NDUFA13: variants seen among roughly 807,000 people sequenced by gnomAD.
NDUFA13 encodes the protein NADH:ubiquinone oxidoreductase subunit A13.
A neutral mutation model predicts 17.0 loss-of-function variants in NDUFA13; 16 were observed. The observed-to-expected ratio is 0.94, with a 90% CI of 0.64 to 1.43. The LOEUF is 1.43. Ranked by LOEUF, NDUFA13 falls within the 40% of genes most tolerant of loss-of-function variation. The pLI is 0.00. For missense variants in NDUFA13, 228 were observed against 206.7 expected, an observed-to-expected ratio of 1.10 and a Z score of -0.63; for synonymous variants, 87 against 78.4, an observed-to-expected ratio of 1.11 and a Z score of -0.58.
At chr19:19,527,680 C>G (rs1280567011) in intron 3 of NDUFA13, 21 bp from the exon 4 acceptor site, 1 of 1,548,568 alleles carries the variant, frequency 6.5e-7, no homozygotes, top group Non-Finnish European at 8.7e-7. Flanking sequence ...CCCACCCCCA[C>G]CATCGGCCCC....
intron 1 of NDUFA13, among the ~76,000 whole-genome samples, chr19:19,522,672 G>C (rs1351562413): frequency 6.6e-6 from 1 of 151,910 alleles, no homozygotes; most frequent in Non-Finnish European, 1.5e-5. Flanking sequence ...TAGAGACAGG[G>C]TTTCACCGTG....
chr19:19,527,834 G>A (rs911038743), intron 4 of NDUFA13, 64 bp downstream of exon 4: 1 of 1,514,322 alleles, frequency 6.6e-7, no homozygotes, highest in African/African-American at 1.4e-5. Flanking sequence ...GGGTTGGGGA[G>A]CTCCCACAGC....
chr19:19,516,641 G>A (rs547775316), intron 1 of NDUFA13, among the ~76,000 whole-genome samples: 72 of 152,354 alleles, frequency 4.7e-4, no homozygotes, highest in African/African-American at 1.7e-3. Flanking sequence ...TGGGGAAACT[G>A]AGGCCCAAAG....
In NDUFA13 at chr19:19,527,710, G is replaced by A; in HGVS notation, c.255G>A (p.Gln85=). ...GGCCCCATCCCCACAGGACCTTGCAGATGCTTCGGGAGAACCTGGAGGAGG... is the reference window on the plus strand; with the variant it reads ...GGCCCCATCCCCACAGGACCTTGCAAATGCTTCGGGAGAACCTGGAGGAGG... The part of the protein sequence containing the change: ...LQAETDRRTL[Q]MLRENLEEEA... The change falls in exon 4 of 5, where the codon CAG becomes CAA. Residue 85 remains glutamine, a synonymous_variant. Coordinates refer to ENST00000507754, the MANE Select transcript of NDUFA13 (RefSeq NM_015965.7). 6.4e-7 allele frequency: 1 copy of A among 1,552,266 alleles called. No individual in the cohort carries two copies. Among genetic ancestry groups the A allele is most frequent in the Non-Finnish European group, 8.7e-7 (1 of 1,147,236 alleles).
intron 2 of NDUFA13, 40 bp downstream of exon 2, chr19:19,526,300 G>A (rs780436000): frequency 4.7e-5 from 75 of 1,607,898 alleles, no homozygotes; most frequent in Non-Finnish European, 5.4e-5. Context: ...GTGCCCCCCC[G>A]GCGAGTTGTC....
intron 1 of NDUFA13, among the ~76,000 whole-genome samples, chr19:19,516,750 G>C (rs1427031476): frequency 6.6e-6 from 1 of 152,154 alleles, no homozygotes; most frequent in African/African-American, 2.4e-5. Flanking sequence ...GGCAGCCCCC[G>C]CCTGCATGGT....
rs746232914 is a variant in NDUFA13, at chr19:19,526,186, C to T, written c.99C>T (p.Tyr33=). ...GAGCAGCGCCTCTCTTCACAGGCTACAGCATGCTGGCCATAGGGATTGGAA... is the reference window on the plus strand; with the variant it reads ...GAGCAGCGCCTCTCTTCACAGGCTATAGCATGCTGGCCATAGGGATTGGAA... ...RNLPRRGLSG[Y]SMLAIGIGTL... Residue 33 remains tyrosine, a synonymous_variant, in exon 2 of 5, where the codon TAC becomes TAT. Coordinates refer to ENST00000507754, the MANE Select transcript of NDUFA13 (RefSeq NM_015965.7). 6.8e-6 allele frequency: 11 copies of T among 1,613,976 alleles called. No homozygotes were observed. The South Asian group carries it at 1.1e-4, about 16-fold the overall frequency.
chr19:19,519,971 CTTTTTTTT>C (rs397963977), intron 1 of NDUFA13, among the ~76,000 whole-genome samples: 2 of 120,270 alleles, frequency 1.7e-5, no homozygotes, highest in Non-Finnish European at 3.4e-5. Flanking sequence ...TTTTTGTTCT[CTTTTTTTT>C]TTTTTTTTTT....
At chr19:19,527,155 CCTG>C in intron 2 of NDUFA13, 123 bp from the exon 3 acceptor site, 36 of 963,880 alleles carry the variant, frequency 3.7e-5, no homozygotes, top group Admixed American at 2.5e-4. Context: ...CGCCCTGCCC[CCTG>C]CCTGCCTCCC....
intron 1 of NDUFA13, among the ~76,000 whole-genome samples, chr19:19,525,363 G>T (rs2061095336): frequency 1.3e-5 from 2 of 152,252 alleles, no homozygotes; most frequent in Non-Finnish European, 2.9e-5. Context: ...GCAGAGCAGG[G>T]CCCGGCAGGC....
chr19:19,525,287 T>A (rs1225176280), intron 1 of NDUFA13, among the ~76,000 whole-genome samples: 1 of 152,200 alleles, frequency 6.6e-6, no homozygotes, highest in African/African-American at 2.4e-5. Flanking sequence ...TATCTCCGGG[T>A]CTAGCAGAGG....
chr19:19,528,076 A>C lies in NDUFA13; in HGVS notation c.385A>C (p.Thr129Pro). 1 of 1,611,642 alleles carries C rather than the reference A, an allele frequency of 6.2e-7. No homozygotes were observed. Among genetic ancestry groups the C allele is most frequent in the South Asian group, 1.1e-5 (1 of 90,954 alleles). The change falls in exon 5 of 5, where the codon ACC (threonine) becomes CCC (proline). Residue 129 changes from threonine (T) to proline (P), a missense_variant. Physicochemically the swap from Thr to Pro is conservative, Grantham distance 38. Coordinates refer to ENST00000507754, the MANE Select transcript of NDUFA13 (RefSeq NM_015965.7). ...PLIGELYGLR[T>P]TEEALHASHG... ...GATCGGGGAGCTGTACGGGCTGCGC[A>C]CCACAGAGGAGGCTCTCCATGCCAG...
intron 1 of NDUFA13, chr19:19,525,970 C>T: frequency 7.1e-7 from 1 of 1,413,288 alleles, no homozygotes; most frequent in Non-Finnish European, 9.3e-7. Flanking sequence ...CCCCTAGCAA[C>T]CACCATCTAG....
intron 2 of NDUFA13, 116 bp from the exon 3 acceptor site, chr19:19,527,165 T>TCCCCCCCCCCCAC: frequency 2.1e-6 from 1 of 470,782 alleles, no homozygotes; most frequent in Non-Finnish European, 3.4e-6. Flanking sequence ...CCTGCCTGCC[T>TCCCCCCCCCCCAC]CCCCGCCCCC....
chr19:19,527,151 GC>G, intron 2 of NDUFA13, 129 bp from the exon 3 acceptor site: 1 of 889,710 alleles, frequency 1.1e-6, no homozygotes, highest in Non-Finnish European at 1.7e-6. Flanking sequence ...CCCTCGCCCT[GC>G]CCCCTGCCTG....
At chr19:19,522,357 C>T (rs546992299) in intron 1 of NDUFA13, among the ~76,000 whole-genome samples, 1 of 151,694 alleles carries the variant, frequency 6.6e-6, no homozygotes, top group Non-Finnish European at 1.5e-5. Context: ...TGTATTTTTC[C>T]TTTTGTCACT....
In NDUFA13 at chr19:19,527,373, G is replaced by A. The variant is rs758765405; in HGVS notation, c.245+21G>A. On this transcript the variant is annotated intron_variant, in intron 3 of 4. Transcript: ENST00000507754. ...CGGAGGTAGCACCGCAGGGGCCAAG[G>A]TTGGGAGGTCACTGGCCGGAAGGCC... The A allele has an allele frequency of 1.7e-5, 28 of 1,613,602 alleles. 1 individual carries two copies. In the South Asian group the frequency reaches 3.1e-4, roughly 18 times the overall value.
At chr19:19,526,299 C>G (rs373205069) in intron 2 of NDUFA13, 39 bp downstream of exon 2, 1 of 1,607,092 alleles carries the variant, frequency 6.2e-7, no homozygotes. Context: ...AGTGCCCCCC[C>G]GGCGAGTTGT....
chr19:19,528,017 C>CT lies in NDUFA13; in HGVS notation c.327dup (p.Val110CysfsTer?). 6.2e-7 allele frequency: 1 copy of CT among 1,612,732 alleles called. No homozygotes were observed. The highest frequency in any genetic ancestry group is 1.1e-5 in the South Asian group (1 of 91,002). Reference sequence around the variant, plus strand: ...CCACTGTCCCCACAGGTGGGGGAGTCTGTGTTCCACACAACCCGCTGGGTG... The same window carrying CT: ...CCACTGTCCCCACAGGTGGGGGAGTCTTGTGTTCCACACAACCCGCTGGGTG... On this transcript the variant is annotated frameshift_variant, in exon 5 of 5. Transcript: ENST00000507754. LOFTEE classifies it low-confidence loss of function (END_TRUNC).
Sources: gnomAD v4.1 joint callset for allele counts (sites outside exome capture counted in the v4.1 genomes callset) on GRCh38, gnomAD v4.1.1 for gene constraint, MANE v1.5 for transcripts, NCBI Gene and HGNC (gene_info 2026-07-23, HGNC 2026-07-21) for gene names.